Variants in TNFAIP8 observed in about 807,000 individuals in gnomAD.
The protein encoded by TNFAIP8 is TNF alpha induced protein 8, also known as tumor necrosis factor alpha-induced protein 8.
TNFAIP8 carries 7 observed loss-of-function variants against 13.3 expected under a neutral mutation model. The ratio of observed to expected loss-of-function variants is 0.52; its 90% confidence interval spans 0.30 to 0.99. The LOEUF is 0.99. TNFAIP8 is among the 50% of genes least tolerant of loss of function. The probability of loss-of-function intolerance (pLI) is 0.07; values close to 1 mark genes in which losing one functional copy is unlikely to be tolerated. For synonymous variants in TNFAIP8, 94 were observed against 87.6 expected, an observed-to-expected ratio of 1.07 and a Z score of -0.41; for missense variants, 258 against 236.9, an observed-to-expected ratio of 1.09 and a Z score of -0.58.
In TNFAIP8 at chr5:119,387,112, C is replaced by G. The variant is rs530199014; in HGVS notation, c.32-5704C>G. ...CTGACACATCACTAGCTACTCCGAG[C>G]GTTCATTGCTTTTCTCTGGAGCACT... is the stretch of plus-strand genomic sequence containing the variant. On this transcript the variant is annotated intron_variant, in intron 1 of 1. Coordinates refer to ENST00000504771, the MANE Select transcript of TNFAIP8 (RefSeq NM_014350.4). 4.6e-5 allele frequency among the ~76,000 whole-genome samples: 7 copies of G among 152,222 alleles called. No homozygotes were observed. In the South Asian group the frequency reaches 1.5e-3, roughly 32 times the overall value.
At chr5:119,356,015 C>T, upstream of TNFAIP8, 2 of 1,538,678 alleles carry the variant, frequency 1.3e-6, no homozygotes, top group Non-Finnish European at 1.8e-6. Flanking sequence ...GTGCGGATTT[C>T]GCTGCAGAGC....
intron 1 of TNFAIP8, among the ~76,000 whole-genome samples, chr5:119,380,413 T>C (rs1294566892): frequency 1.3e-5 from 2 of 152,186 alleles, no homozygotes; most frequent in Admixed American, 6.5e-5. Flanking sequence ...AATATAAATA[T>C]TCATCAAGAG....
chr5:119,355,385 G>A, upstream of TNFAIP8: 1 of 702,376 alleles, frequency 1.4e-6, no homozygotes, highest in Non-Finnish European at 2.6e-6. Context: ...TGCTTTTGCT[G>A]TGCAAAGGTA....
In TNFAIP8 at chr5:119,397,057, T is replaced by G. The variant is rs1468593454; in HGVS notation, c.*3676T>G. Reference sequence around the variant, plus strand: ...CTTTGATCGTACAGAAATATTGCGTTTTAAACTCTTATATAATAGTATGCC... The same window carrying G: ...CTTTGATCGTACAGAAATATTGCGTGTTAAACTCTTATATAATAGTATGCC... On this transcript the variant is annotated 3_prime_UTR_variant, in exon 2 of 2. Coordinates refer to ENST00000504771, the MANE Select transcript of TNFAIP8 (RefSeq NM_014350.4). The G allele has an allele frequency of 6.6e-6, 1 of 151,626 alleles. No homozygotes were observed. Among genetic ancestry groups the G allele is most frequent in the Non-Finnish European group, 1.5e-5 (1 of 67,974 alleles). The allele number at this position is 151,626 out of a possible 1,614,324, so 9.4% of individuals were successfully genotyped here. A position where few individuals can be genotyped will look rare whatever the true frequency, so the allele number is the denominator to read the frequency against.
rs80269598 is a variant in TNFAIP8, at chr5:119,392,800, C to CTT, written c.32-4_32-3dup. 6.8e-4 allele frequency: 952 copies of CTT among 1,397,226 alleles called. No homozygotes were observed. The highest frequency in any genetic ancestry group is 1.6e-3 in the South Asian group (115 of 70,290). 86.6% of individuals were successfully genotyped at this position (1,397,226 alleles called of 1,614,324 possible). On this transcript the variant is annotated splice_polypyrimidine_tract_variant and intron_variant, in intron 1 of 1. Coordinates refer to ENST00000504771, the MANE Select transcript of TNFAIP8 (RefSeq NM_014350.4). The stretch of plus-strand genomic sequence containing the variant: ...TACTAATTGTTAATTCTTTTCCTCT[C>CTT]TTTTTTTTTTTTTAGTGGCCACAGA...
In TNFAIP8 at chr5:119,386,166, A is replaced by G. The variant is rs576439261; in HGVS notation, c.32-6650A>G. Among the ~76,000 whole-genome samples the G allele has an allele frequency of 2.3e-4, 35 of 152,364 alleles. No individual in the cohort carries two copies. In the South Asian group the frequency reaches 2.5e-3, roughly 11 times the overall value. ...AAATGTTTTCGGTGGAAAACATTCT[A>G]ATATGTGTTACAAGGTATGTTTTTT... On this transcript the variant is annotated intron_variant, in intron 1 of 1. Transcript: ENST00000504771.
intron 1 of TNFAIP8, among the ~76,000 whole-genome samples, chr5:119,284,446 T>C (rs113662815): frequency 0.01 from 1,547 of 152,258 alleles, 17 homozygotes; most frequent in African/African-American, 0.035. Flanking sequence ...TTTGGGAGGC[T>C]GAGATGGGTG....
chr5:119,277,943 G>A (rs531044969), intron 1 of TNFAIP8, among the ~76,000 whole-genome samples: 2 of 152,158 alleles, frequency 1.3e-5, no homozygotes, highest in South Asian at 4.2e-4. Context: ...TCATAAGGGT[G>A]GAGCCCTTAT....
chr5:119,363,035 A>G (rs759596900), intron 1 of TNFAIP8, among the ~76,000 whole-genome samples: 8 of 151,980 alleles, frequency 5.3e-5, no homozygotes, highest in Non-Finnish European at 1.0e-4. Flanking sequence ...GGACTGGGCC[A>G]TGGATTTAGC....
chr5:119,289,246 G>A (rs6890983), intron 1 of TNFAIP8, among the ~76,000 whole-genome samples: 82,930 of 152,030 alleles, frequency 0.55, 24,236 homozygotes, highest in East Asian at 0.83. Flanking sequence ...CCAATAGTGT[G>A]TATCTTTGTG....
rs75774444 is a variant in TNFAIP8 at position 119,310,142 on chromosome 5, A to T, written c.1+41235A>T. Among the ~76,000 whole-genome samples, 73 of 152,296 alleles carry T rather than the reference A, an allele frequency of 4.8e-4. No individual in the cohort carries two copies. The East Asian group carries it at 0.014, about 28-fold the overall frequency. Reference sequence around the variant, plus strand: ...TTTTAGAGCTGTGGAAATCAGCTACATTGAGGCTAATTGTATCTGTCAGAA... The same window carrying T: ...TTTTAGAGCTGTGGAAATCAGCTACTTTGAGGCTAATTGTATCTGTCAGAA... On this transcript the variant is annotated intron_variant, in intron 1 of 1. Transcript: ENST00000274456.
intron 1 of TNFAIP8, among the ~76,000 whole-genome samples, chr5:119,338,932 A>G (rs1214699411): frequency 6.6e-6 from 1 of 152,176 alleles, no homozygotes; most frequent in East Asian, 1.9e-4. Context: ...CTGTAGTCCC[A>G]GCTACTCAGG....
chr5:119,268,840 G>T, exon 1 of TNFAIP8: 1 of 703,374 alleles, frequency 1.4e-6, no homozygotes, highest in Non-Finnish European at 2.6e-6. Context: ...AGAGAGCAGA[G>T]AACTCGGCGC....
chr5:119,323,711 G>A (rs1248219996), intron 1 of TNFAIP8, among the ~76,000 whole-genome samples: 1 of 152,128 alleles, frequency 6.6e-6, no homozygotes, highest in African/African-American at 2.4e-5. Context: ...CTTTGGCTGA[G>A]TGCTGAGCTT....
chr5:119,281,507 A>G (rs1315518771), intron 1 of TNFAIP8, among the ~76,000 whole-genome samples: 4 of 152,194 alleles, frequency 2.6e-5, no homozygotes, highest in Non-Finnish European at 2.9e-5. Flanking sequence ...CTATTGTGTA[A>G]TTACCTATTT....
At chr5:119,317,278 A>G (rs1247135196) in intron 1 of TNFAIP8, among the ~76,000 whole-genome samples, 1 of 152,202 alleles carries the variant, frequency 6.6e-6, no homozygotes, top group African/African-American at 2.4e-5. Flanking sequence ...CATTAAACCA[A>G]TAGAAATTAG....
At chr5:119,334,682 G>C (rs1442305266) in intron 1 of TNFAIP8, among the ~76,000 whole-genome samples, 5 of 148,864 alleles carry the variant, frequency 3.4e-5, no homozygotes, top group African/African-American at 1.3e-4. Context: ...TCTGAGGCAG[G>C]AGAATTGCTT....
rs1045916138 is a variant in TNFAIP8 at position 119,380,987 on chromosome 5, G to C, written c.32-11829G>C. Among the ~76,000 whole-genome samples, 7 of 152,298 alleles carry C rather than the reference G, an allele frequency of 4.6e-5. No homozygotes were observed. The East Asian group carries it at 1.2e-3, about 25-fold the overall frequency. On this transcript the variant is annotated intron_variant, in intron 1 of 1. Coordinates refer to ENST00000504771, the MANE Select transcript of TNFAIP8 (RefSeq NM_014350.4). ...CAGCATGCCTTTATAGCCAGAGTAC[G>C]TCTGAAAATTTTAAGTATGGCATTC... is the stretch of plus-strand genomic sequence containing the variant.
chr5:119,376,975 C>A (rs1388277706), intron 1 of TNFAIP8, among the ~76,000 whole-genome samples: 1 of 152,142 alleles, frequency 6.6e-6, no homozygotes. Context: ...TTTCATTTTT[C>A]TTTTAGCCTA....
Sources: allele counts gnomAD v4.1 joint callset (sites outside exome capture counted in the v4.1 genomes callset), GRCh38; gene constraint gnomAD v4.1.1; transcripts MANE v1.5; gene names NCBI Gene and HGNC (gene_info 2026-07-23, HGNC 2026-07-21).